The following DIP2B variants were observed in gnomAD, a reference collection of about 807,000 sequenced individuals.
DIP2B encodes the protein DIP2 acetate--CoA ligase B (putative).
Under a neutral mutation model 198.0 loss-of-function variants are expected in DIP2B, and 76 were observed. The ratio of observed to expected loss-of-function variants is 0.38; its 90% confidence interval spans 0.32 to 0.46. DIP2B has a LOEUF of 0.46. DIP2B is among the 20% of genes least tolerant of loss of function. DIP2B has a pLI of 0.99. For synonymous variants in DIP2B, 701 were observed against 739.1 expected, an observed-to-expected ratio of 0.95 and a Z score of 0.84; for missense variants, 1,559 against 1,978.4, an observed-to-expected ratio of 0.79 and a Z score of 4.02.
intron 3 of DIP2B, among the ~76,000 whole-genome samples, chr12:50,649,455 A>G (rs1248731506): frequency 6.6e-6 from 1 of 152,252 alleles, no homozygotes; most frequent in East Asian, 1.9e-4. Context: ...AATTTAGTAT[A>G]CAATAAAGAT....
intron 1 of DIP2B, among the ~76,000 whole-genome samples, chr12:50,511,395 G>C (rs950951152): frequency 7.2e-6 from 1 of 138,846 alleles, no homozygotes; most frequent in Non-Finnish European, 1.5e-5. Flanking sequence ...GGGCTCAAGC[G>C]ATTCTCCTGC....
At chr12:50,687,899 TAA>T (rs546984188) in intron 12 of DIP2B, among the ~76,000 whole-genome samples, 5 of 133,554 alleles carry the variant, frequency 3.7e-5, no homozygotes, top group Non-Finnish European at 3.3e-5. Context: ...AAAGTAAAAT[TAA>T]AAAAAAAAAA....
intron 32 of DIP2B, among the ~76,000 whole-genome samples, chr12:50,733,067 G>A (rs768093864): frequency 4.0e-5 from 6 of 151,664 alleles, no homozygotes; most frequent in South Asian, 2.1e-4. Flanking sequence ...CACCACGCCC[G>A]GCTATTTTTT....
chr12:50,516,213 A>ATCTCTC (rs68059796), intron 1 of DIP2B, among the ~76,000 whole-genome samples: 116 of 128,540 alleles, frequency 9.0e-4, no homozygotes, highest in East Asian at 8.9e-3. Context: ...TAGAGGCACC[A>ATCTCTC]TCTCTCTCTC....
chr12:50,684,784 T>C (rs1939105881), intron 10 of DIP2B, among the ~76,000 whole-genome samples: 2 of 150,054 alleles, frequency 1.3e-5, no homozygotes, highest in African/African-American at 4.9e-5. Context: ...TGAGATCTTG[T>C]CTCAAAAAAA....
At chr12:50,607,173 A>G (rs78988035) in intron 1 of DIP2B, among the ~76,000 whole-genome samples, 519 of 149,184 alleles carry the variant, frequency 3.5e-3, no homozygotes, top group African/African-American at 0.012. Flanking sequence ...ACTAACATTT[A>G]TTTATTGAGT....
intron 19 of DIP2B, among the ~76,000 whole-genome samples, chr12:50,701,450 C>T (rs755389203): frequency 2.6e-5 from 4 of 152,188 alleles, no homozygotes; most frequent in East Asian, 1.9e-4. Flanking sequence ...GGTGCAATCT[C>T]GGCTCACTGC....
At chr12:50,669,908 A>T (rs1938820642) in intron 4 of DIP2B, among the ~76,000 whole-genome samples, 1 of 152,218 alleles carries the variant, frequency 6.6e-6, no homozygotes, top group African/African-American at 2.4e-5. Context: ...TTAGACGGAA[A>T]GGGTTCTGCA....
chr12:50,570,674 C>T (rs151277492), intron 1 of DIP2B, among the ~76,000 whole-genome samples: 51 of 152,326 alleles, frequency 3.3e-4, no homozygotes, highest in African/African-American at 1.1e-3. Flanking sequence ...CGCGCCACTG[C>T]GATGGGCTGG....
At chr12:50,511,971 A>T (rs1240023474) in intron 1 of DIP2B, among the ~76,000 whole-genome samples, 2 of 150,016 alleles carry the variant, frequency 1.3e-5, no homozygotes, top group South Asian at 4.2e-4. Flanking sequence ...AAAAAAAAAA[A>T]GTAGAGACAA....
chr12:50,659,576 T>C (rs759539233), intron 3 of DIP2B, among the ~76,000 whole-genome samples: 27 of 151,342 alleles, frequency 1.8e-4, no homozygotes, highest in Non-Finnish European at 3.5e-4. Context: ...AAATGAAGAG[T>C]TTTGTTTGGA....
chr12:50,586,677 A>G (rs1328031102), intron 1 of DIP2B, among the ~76,000 whole-genome samples: 1 of 152,038 alleles, frequency 6.6e-6, no homozygotes, highest in East Asian at 1.9e-4. Flanking sequence ...GGTTCAAGCG[A>G]TTCTCCTGCC....
intron 1 of DIP2B, among the ~76,000 whole-genome samples, chr12:50,615,833 C>T (rs1565845996): frequency 6.6e-6 from 1 of 152,194 alleles, no homozygotes; most frequent in Non-Finnish European, 1.5e-5. Flanking sequence ...GCAAACTCAG[C>T]GTTCGAACCC....
intron 12 of DIP2B, 47 bp from the exon 13 acceptor site, chr12:50,691,002 A>G (rs1414070519): frequency 1.7e-5 from 26 of 1,543,262 alleles, no homozygotes; most frequent in Non-Finnish European, 2.1e-5. Flanking sequence ...GTCATCTGAA[A>G]TAACCCATTT....
chr12:50,704,117 A>G, intron 19 of DIP2B, 23 bp from the exon 20 acceptor site: 1 of 1,595,590 alleles, frequency 6.3e-7, no homozygotes. Context: ...AAAGTTTTTC[A>G]CTTACTTCAT....
chr12:50,607,368 C>T (rs1245894518), intron 1 of DIP2B, among the ~76,000 whole-genome samples: 1 of 152,140 alleles, frequency 6.6e-6, no homozygotes, highest in African/African-American at 2.4e-5. Flanking sequence ...AGGTTTGGAA[C>T]CTAGATGTTT....
chr12:50,664,799 A>C (rs540878497), intron 4 of DIP2B, among the ~76,000 whole-genome samples: 1 of 147,228 alleles, frequency 6.8e-6, no homozygotes, highest in Non-Finnish European at 1.5e-5. Flanking sequence ...TCATAGGGCC[A>C]GAAGACAAGG....
At chr12:50,564,635 T>C (rs1159060391) in intron 1 of DIP2B, among the ~76,000 whole-genome samples, 1 of 152,210 alleles carries the variant, frequency 6.6e-6, no homozygotes, top group African/African-American at 2.4e-5. Flanking sequence ...CCTGTTCATA[T>C]CCCTGGCCCA....
chr12:50,682,133 T>G (rs7959868), intron 9 of DIP2B, among the ~76,000 whole-genome samples: 2,750 of 152,322 alleles, frequency 0.018, 95 homozygotes, highest in African/African-American at 0.063. Flanking sequence ...GAAAAGTCAC[T>G]TATCTCTGTG....
Sources: allele counts gnomAD v4.1 joint callset (sites outside exome capture counted in the v4.1 genomes callset), GRCh38; gene constraint gnomAD v4.1.1; transcripts MANE v1.5; gene names NCBI Gene and HGNC (gene_info 2026-07-23, HGNC 2026-07-21).